CSNK1E: variants seen among roughly 807,000 people sequenced by gnomAD.
The protein encoded by CSNK1E is casein kinase 1 epsilon, also known as casein kinase I isoform epsilon.
CSNK1E carries 17 observed loss-of-function variants against 46.1 expected under a neutral mutation model. That is an observed-to-expected ratio of 0.37 (90% CI 0.25 to 0.55). CSNK1E has a LOEUF of 0.55. Ranked by LOEUF, CSNK1E falls within the 20% of genes least tolerant of loss-of-function variation. CSNK1E has a pLI of 0.82. For synonymous variants in CSNK1E, 241 were observed against 242.6 expected, an observed-to-expected ratio of 0.99 and a Z score of 0.06; for missense variants, 386 against 595.4, an observed-to-expected ratio of 0.65 and a Z score of 3.66.
In CSNK1E at chr22:38,303,799, G is replaced by A. The variant is rs1474238617; in HGVS notation, c.77-551C>T. ...GTCTCATTCGATTCTCAACCCCCTT[G>A]TAGAGATGAGAAAACAGAGACCCAG... On this transcript the variant is annotated intron_variant, in intron 2 of 10. Transcript: ENST00000396832. The surrounding 1 kb of genome is among the most constrained non-coding windows in gnomAD (Gnocchi z 4.7). 6.6e-6 allele frequency among the ~76,000 whole-genome samples: 1 copy of A among 152,160 alleles called. No homozygotes were observed. The highest frequency in any genetic ancestry group is 1.9e-4 in the East Asian group (1 of 5,190).
chr22:38,311,977 T>C (rs2092723054), intron 2 of CSNK1E, among the ~76,000 whole-genome samples: 1 of 152,178 alleles, frequency 6.6e-6, no homozygotes, highest in African/African-American at 2.4e-5. Context: ...CTAATTTTTG[T>C]ATCTTTAGTA....
At chr22:38,304,783 A>G (rs1044231214) in intron 2 of CSNK1E, among the ~76,000 whole-genome samples, 33 of 152,164 alleles carry the variant, frequency 2.2e-4, no homozygotes, top group African/African-American at 7.5e-4. Context: ...AGCAATAAAG[A>G]GGAATAAAGT....
chr22:38,295,461 A>C (rs1008188425), intron 7 of CSNK1E: 25 of 950,178 alleles, frequency 2.6e-5, no homozygotes, highest in Non-Finnish European at 2.9e-5. Context: ...TGGAGGAGAG[A>C]GCTCTGGGCT....
chr22:38,317,946 A>T (rs1258708478), upstream of CSNK1E: 1 of 152,208 alleles, frequency 6.6e-6, no homozygotes, highest in Non-Finnish European at 1.5e-5. Flanking sequence ...ACAGCTAGGG[A>T]TGTCGACACA....
rs1207152566 is a variant in CSNK1E, at chr22:38,300,642, G to C, written c.565+82C>G. 2.2e-6 allele frequency: 3 copies of C among 1,360,040 alleles called. No individual in the cohort carries two copies. The highest frequency in any genetic ancestry group is 1.3e-5 in the South Asian group (1 of 78,848). 84.2% of individuals were successfully genotyped at this position (1,360,040 alleles called of 1,614,324 possible). ...AAAAGAGCCTGGGGGCCTCCATCAGGGTAGGGGGTGAGAGGGCTCCAGAGA... is the reference window on the plus strand; with the variant it reads ...AAAAGAGCCTGGGGGCCTCCATCAGCGTAGGGGGTGAGAGGGCTCCAGAGA... On this transcript the variant is annotated intron_variant, in intron 5 of 10. Transcript: ENST00000396832. This position sits in a 1 kb window ranked among gnomAD's most constrained non-coding sequence, Gnocchi z 4.4.
rs922861926 is a variant in CSNK1E, at chr22:38,298,617, C to T, written c.885+169G>A. 4.1e-6 allele frequency: 3 copies of T among 738,852 alleles called. No homozygotes were observed. Among genetic ancestry groups the T allele is most frequent in the African/African-American group, 3.5e-5 (2 of 57,036 alleles). 45.8% of individuals were successfully genotyped at this position (738,852 alleles called of 1,614,324 possible). ...TGCCCATGGTGGCACAAGCTGTCAG[C>T]ACGGATGAGGCTGGAGGGCTCTGGG... On this transcript the variant is annotated intron_variant, in intron 7 of 10. Transcript: ENST00000396832. The surrounding 1 kb of genome is among the most constrained non-coding windows in gnomAD (Gnocchi z 4.2).
intron 1 of CSNK1E, among the ~76,000 whole-genome samples, chr22:38,315,572 G>T (rs568549130): frequency 1.3e-5 from 2 of 151,986 alleles, no homozygotes; most frequent in Non-Finnish European, 2.9e-5. Context: ...CCAGCTTCCC[G>T]AGTGTGTACA....
rs367981270 is a variant in CSNK1E at position 38,300,797 on chromosome 22, G to C, written c.492C>G (p.His164Gln). 1 of 1,614,272 alleles carries C rather than the reference G, an allele frequency of 6.2e-7. No individual in the cohort carries two copies. The highest frequency in any genetic ancestry group is 1.7e-5 in the Admixed American group (1 of 60,032). The change falls in exon 5 of 11, where the codon CAC becomes CAG. Residue 164 changes from histidine to glutamine, a missense_variant. Around this residue, in one of 2 missense-constraint regions of CSNK1E, gnomAD observed 212 missense variants for 410.2 expected, o/e 0.52. Coordinates refer to ENST00000396832, the MANE Select transcript of CSNK1E (RefSeq NM_152221.3). The surrounding 1 kb of genome is among the most constrained non-coding windows in gnomAD (Gnocchi z 4.4). Reference sequence around the variant, plus strand: ...GGTTCTTGTTTTCCCGGTAGGGAATGTGCTGGTGGGTGCGGGCGTCCCGGT... The same window carrying C: ...GGTTCTTGTTTTCCCGGTAGGGAATCTGCTGGTGGGTGCGGGCGTCCCGGT... ...KKYRDARTHQ[H>Q]IPYRENKNLT...
chr22:38,304,919 C>T (rs1286867084), intron 2 of CSNK1E, among the ~76,000 whole-genome samples: 8 of 151,854 alleles, frequency 5.3e-5, no homozygotes, highest in Non-Finnish European at 1.2e-4. Flanking sequence ...GTCAGGAGTC[C>T]GAGACCAGCC....
intron 6 of CSNK1E, among the ~76,000 whole-genome samples, 183 bp from the exon 7 acceptor site, chr22:38,299,117 G>A (rs1029309740): frequency 2.0e-5 from 3 of 152,198 alleles, no homozygotes; most frequent in Non-Finnish European, 1.5e-5. Flanking sequence ...TAGCCTGCCC[G>A]TGAGCAGAGC....
chr22:38,300,602 G>A lies in CSNK1E; in HGVS notation c.565+122C>T, dbSNP rs2092666127. The A allele has an allele frequency of 2.2e-6, 2 of 927,476 alleles. No homozygotes were observed. The highest frequency in any genetic ancestry group is 1.7e-5 in the African/African-American group (1 of 60,226). The allele number at this position is 927,476 out of a possible 1,614,324, so 57.5% of individuals were successfully genotyped here. On this transcript the variant is annotated intron_variant, in intron 5 of 10. Coordinates refer to ENST00000396832, the MANE Select transcript of CSNK1E (RefSeq NM_152221.3). This position sits in a 1 kb window ranked among gnomAD's most constrained non-coding sequence, Gnocchi z 4.4. ...ACGAGCTTGGGGGCAGACGGGGTGG[G>A]GACTTTCTCACTAGAAAAGAGCCTG...
At position 38,300,163 on chromosome 22, in the gene CSNK1E, C is replaced by G. The variant is rs544367014; in HGVS notation, c.566-98G>C. 8.5e-7 allele frequency: 1 copy of G among 1,176,084 alleles called. No homozygotes were observed. The highest frequency in any genetic ancestry group is 1.5e-5 in the South Asian group (1 of 68,892). 72.9% of individuals were successfully genotyped at this position (1,176,084 alleles called of 1,614,324 possible). A position where few individuals can be genotyped will look rare whatever the true frequency, so the allele number is the denominator to read the frequency against. ...CTCCTCACAATGCACCAGGACCCTCCTGCCCCCACGTCGGATGTTGCTCAC... is the reference window on the plus strand; with the variant it reads ...CTCCTCACAATGCACCAGGACCCTCGTGCCCCCACGTCGGATGTTGCTCAC... On this transcript the variant is annotated intron_variant, in intron 5 of 10. Transcript: ENST00000396832. The surrounding 1 kb of genome is among the most constrained non-coding windows in gnomAD (Gnocchi z 4.4).
rs1569078120 is a variant in CSNK1E, at chr22:38,300,962, A to AG, written c.337-11dup. ...ACTCGATGCGGCTGATCTGGGGAGG[A>AG]GGGGGGCCATTTGTTCAACAGAGGG... On this transcript the variant is annotated splice_polypyrimidine_tract_variant and intron_variant, in intron 4 of 10. Transcript: ENST00000396832. The surrounding 1 kb of genome is among the most constrained non-coding windows in gnomAD (Gnocchi z 4.4). The AG allele has an allele frequency of 1.2e-6, 2 of 1,607,454 alleles. No individual in the cohort carries two copies. Among genetic ancestry groups the AG allele is most frequent in the Non-Finnish European group, 1.7e-6 (2 of 1,174,620 alleles).
In CSNK1E at chr22:38,298,244, A is replaced by G. The variant is rs1298007087; in HGVS notation, c.885+542T>C. The G allele has an allele frequency of 7.7e-7, 1 of 1,292,354 alleles. No individual in the cohort carries two copies. Among genetic ancestry groups the G allele is most frequent in the South Asian group, 1.2e-5 (1 of 80,804 alleles). 80.1% of individuals were successfully genotyped at this position (1,292,354 alleles called of 1,614,324 possible). A position where few individuals can be genotyped will look rare whatever the true frequency, so the allele number is the denominator to read the frequency against. The stretch of plus-strand genomic sequence containing the variant: ...TGTGAAACAAGACATACAATTTCAC[A>G]GATTCCAGAGCTCTGGGTACGGCCG... On this transcript the variant is annotated intron_variant, in intron 7 of 10. Transcript: ENST00000396832. This position sits in a 1 kb window ranked among gnomAD's most constrained non-coding sequence, Gnocchi z 4.2.
chr22:38,310,171 T>C (rs1319274908), intron 2 of CSNK1E, among the ~76,000 whole-genome samples: 2 of 152,224 alleles, frequency 1.3e-5, no homozygotes, highest in East Asian at 1.9e-4. Context: ...CGGCTGAGCA[T>C]AGATGCAGGG....
Position 38,303,315 on chromosome 22 carries a change from C to G in CSNK1E, c.77-67G>C. On this transcript the variant is annotated intron_variant, in intron 2 of 10. Transcript: ENST00000396832. This position sits in a 1 kb window ranked among gnomAD's most constrained non-coding sequence, Gnocchi z 4.7. Reference sequence around the variant, plus strand: ...AGGCCAGGCAGTCCCAGGCGCCCCACTAAGCATTTCTGAGATCTGGCGTGT... The same window carrying G: ...AGGCCAGGCAGTCCCAGGCGCCCCAGTAAGCATTTCTGAGATCTGGCGTGT... 1 of 1,352,708 alleles carries G rather than the reference C, an allele frequency of 7.4e-7. No homozygotes were observed. Among genetic ancestry groups the G allele is most frequent in the Non-Finnish European group, 1.0e-6 (1 of 987,970 alleles). The allele number at this position is 1,352,708 out of a possible 1,614,324, so 83.8% of individuals were successfully genotyped here.
intron 6 of CSNK1E, among the ~76,000 whole-genome samples, 178 bp from the exon 7 acceptor site, chr22:38,299,112 T>A (rs188262790): frequency 5.7e-4 from 87 of 152,334 alleles, no homozygotes; most frequent in Admixed American, 2.5e-3. Flanking sequence ...AAGCCTAGCC[T>A]GCCCGTGAGC....
intron 4 of CSNK1E, among the ~76,000 whole-genome samples, chr22:38,301,255 T>C (rs963493860): frequency 6.6e-6 from 1 of 152,178 alleles, no homozygotes; most frequent in South Asian, 2.1e-4. Flanking sequence ...CATGGAAGGC[T>C]TGCCTGCCCG....
chr22:38,309,464 CTTTTTTT>C lies in CSNK1E; in HGVS notation c.76+4611_76+4617del, dbSNP rs916553144. ...GTACTACTGTTTGTATTTCTTTTTTCTTTTTTTTTTGAGACAGCTTCACTTTGTCGCC... is the reference window on the plus strand; with the variant it reads ...GTACTACTGTTTGTATTTCTTTTTTCTTTGAGACAGCTTCACTTTGTCGCC... On this transcript the variant is annotated intron_variant, in intron 2 of 10. Transcript: ENST00000396832. This position sits in a 1 kb window ranked among gnomAD's most constrained non-coding sequence, Gnocchi z 4.8. 2.0e-5 allele frequency among the ~76,000 whole-genome samples: 3 copies of C among 148,782 alleles called. No individual in the cohort carries two copies. The highest frequency in any genetic ancestry group is 6.7e-5 in the Admixed American group (1 of 14,852).
Sources: allele counts gnomAD v4.1 joint callset (sites outside exome capture counted in the v4.1 genomes callset), GRCh38; gene constraint gnomAD v4.1.1; regional missense constraint gnomAD v4.1.1; non-coding constraint Gnocchi (gnomAD v3.1); transcripts MANE v1.5; gene names NCBI Gene and HGNC (gene_info 2026-07-23, HGNC 2026-07-21).